The following ADD1 variants were observed in gnomAD, a reference collection of about 807,000 sequenced individuals.
The protein encoded by ADD1 is adducin 1.
In ADD1, 24 loss-of-function variants were observed where a neutral mutation model predicts 80.5. That is an observed-to-expected ratio of 0.30 (90% CI 0.22 to 0.42). ADD1 has a LOEUF of 0.42. Ranked by LOEUF, ADD1 falls within the 10% of genes least tolerant of loss-of-function variation. The probability of loss-of-function intolerance (pLI) is 1.00; values close to 1 mark genes in which losing one functional copy is unlikely to be tolerated. For missense variants in ADD1, 948 were observed against 1,019.0 expected (o/e 0.93, Z 0.95); for synonymous variants, 373 against 393.8 (o/e 0.95, Z 0.63).
intron 1 of ADD1, among the ~76,000 whole-genome samples, chr4:2,874,884 A>C (rs903171591): frequency 6.6e-6 from 1 of 152,168 alleles, no homozygotes; most frequent in African/African-American, 2.4e-5. Flanking sequence ...TCCAGACCTA[A>C]TGAATCTTAA....
At chr4:2,900,058 A>G (rs1038718314) in intron 9 of ADD1, 2 of 154,534 alleles carry the variant, frequency 1.3e-5, no homozygotes, top group Admixed American at 1.3e-4. Flanking sequence ...AGGACTGGAG[A>G]GAAAATTTTA....
chr4:2,922,736 C>T (rs1740267358), intron 14 of ADD1, among the ~76,000 whole-genome samples: 1 of 152,232 alleles, frequency 6.6e-6, no homozygotes, highest in South Asian at 2.1e-4. Context: ...GTTGTGCCCA[C>T]AGCCAACCCT....
chr4:2,856,194 C>T (rs773629510), intron 1 of ADD1, among the ~76,000 whole-genome samples: 5 of 152,148 alleles, frequency 3.3e-5, no homozygotes, highest in African/African-American at 4.8e-5. Context: ...TCCCAACCTT[C>T]ACCTAAGTTC....
chr4:2,881,920 C>T lies in ADD1; in HGVS notation c.218C>T (p.Ser73Leu), dbSNP rs200647918. ...TAGGCTTTCTGTGAAGAATTGGAATCAATGATACAGGAGCAATTTAAGAAG... is the reference window on the plus strand; with the variant it reads ...TAGGCTTTCTGTGAAGAATTGGAATTAATGATACAGGAGCAATTTAAGAAG... ...QSPAFCEELESMIQEQFKKGK... is the reference protein window; with the variant it reads ...QSPAFCEELELMIQEQFKKGK... Residue 73 changes from serine to leucine, a missense_variant, in exon 3 of 16, where the codon TCA (serine) becomes TTA (leucine). By Grantham distance (145) the Ser-to-Leu change is moderately radical. Coordinates refer to ENST00000683351, the MANE Select transcript of ADD1 (RefSeq NM_001354761.2). 1 of 1,598,916 alleles carries T rather than the reference C, an allele frequency of 6.3e-7. No homozygotes were observed. The highest frequency in any genetic ancestry group is 8.5e-7 in the Non-Finnish European group (1 of 1,175,840).
intron 2 of ADD1, among the ~76,000 whole-genome samples, chr4:2,879,167 A>G (rs1227990403): frequency 6.6e-6 from 1 of 152,162 alleles, no homozygotes; most frequent in Non-Finnish European, 1.5e-5. Flanking sequence ...TAGCACACAC[A>G]AGGTCCTTAG....
rs1553855062 is a variant in ADD1, at chr4:2,928,244, C to A, written c.2121C>A (p.Ser707=). Reference sequence around the variant, plus strand: ...TTAAGCCAACTCTCCCCGATCTGTCCCCTGATGAACCTTCAGAAGCACTCG... The same window carrying A: ...TTAAGCCAACTCTCCCCGATCTGTCACCTGATGAACCTTCAGAAGCACTCG... ...ATFKPTLPDL[S]PDEPSEALGF... is the part of the protein sequence containing the mutation. The change falls in exon 16 of 16, where the codon TCC becomes TCA. Residue 707 remains serine, a synonymous_variant. Transcript: ENST00000683351. 11 of 1,614,048 alleles carry A rather than the reference C, an allele frequency of 6.8e-6. No homozygotes were observed. The highest frequency in any genetic ancestry group is 9.3e-6 in the Non-Finnish European group (11 of 1,180,018).
intron 4 of ADD1, among the ~76,000 whole-genome samples, chr4:2,885,980 GCTT>G (rs1336289722): frequency 1.3e-5 from 2 of 152,132 alleles, no homozygotes; most frequent in Non-Finnish European, 2.9e-5. Flanking sequence ...TGTAGAGATA[GCTT>G]CTTCCTTTGA....
intron 13 of ADD1, among the ~76,000 whole-genome samples, chr4:2,911,877 A>G (rs1041610204): frequency 2.0e-5 from 3 of 152,348 alleles, no homozygotes; most frequent in Admixed American, 6.5e-5. Context: ...TTGTGTTCCC[A>G]TGTGCACCTC....
At chr4:2,859,481 G>C (rs1302203384) in intron 1 of ADD1, among the ~76,000 whole-genome samples, 1 of 152,098 alleles carries the variant, frequency 6.6e-6, no homozygotes, top group African/African-American at 2.4e-5. Context: ...GGAAATCATA[G>C]GCCATGGGAA....
intron 1 of ADD1, among the ~76,000 whole-genome samples, chr4:2,865,539 A>G (rs1437443835): frequency 6.6e-6 from 1 of 152,068 alleles, no homozygotes; most frequent in Non-Finnish European, 1.5e-5. Context: ...TTCTTTTATC[A>G]TTTGTCTTTC....
At chr4:2,882,154 A>C in intron 3 of ADD1, 94 bp downstream of exon 3, 1 of 1,176,068 alleles carries the variant, frequency 8.5e-7, no homozygotes, top group Non-Finnish European at 1.2e-6. Context: ...ATTTAACTGT[A>C]TAACATAACA....
chr4:2,927,015 C>T (rs1711829393), intron 15 of ADD1, among the ~76,000 whole-genome samples: 1 of 152,252 alleles, frequency 6.6e-6, no homozygotes, highest in Non-Finnish European at 1.5e-5. Flanking sequence ...TCGGTTCAGA[C>T]AGGGTGGGGT....
At chr4:2,893,960 A>G in intron 4 of ADD1, 53 bp from the exon 5 acceptor site, 1 of 1,502,364 alleles carries the variant, frequency 6.7e-7, no homozygotes, top group Non-Finnish European at 9.3e-7. Flanking sequence ...CCTGAAAGAG[A>G]TGCAAATAAT....
At chr4:2,915,423 G>A (rs980449957) in intron 14 of ADD1, among the ~76,000 whole-genome samples, 3 of 152,180 alleles carry the variant, frequency 2.0e-5, no homozygotes, top group South Asian at 2.1e-4. Context: ...GGCGGATCAC[G>A]AGGTCAGGAG....
At chr4:2,922,297 T>A (rs973866030) in intron 14 of ADD1, among the ~76,000 whole-genome samples, 3 of 152,216 alleles carry the variant, frequency 2.0e-5, no homozygotes, top group Non-Finnish European at 4.4e-5. Context: ...TCCTTGATGT[T>A]GGTGACCTTC....
At chr4:2,884,465 A>G (rs2108946115) in intron 3 of ADD1, 50 bp from the exon 4 acceptor site, 1 of 1,444,808 alleles carries the variant, frequency 6.9e-7, no homozygotes, top group East Asian at 2.4e-5. Context: ...AACTAGGACT[A>G]CAGGCGTATA....
chr4:2,896,122 C>T lies in ADD1; in HGVS notation c.741+1391C>T, dbSNP rs529700118. On this transcript the variant is annotated intron_variant, in intron 6 of 15. Transcript: ENST00000683351. ...CAGAATGGTCTTGATCGCCTGACCT[C>T]GTGATCCGCCCGCTTCGGCCTCCCA... 1.2e-4 allele frequency among the ~76,000 whole-genome samples: 19 copies of T among 152,104 alleles called. 1 individual carries two copies. The East Asian group carries it at 1.7e-3, about 14-fold the overall frequency.
At chr4:2,905,463 A>C in intron 10 of ADD1, 1 of 265,220 alleles carries the variant, frequency 3.8e-6, no homozygotes, top group East Asian at 8.5e-5. Context: ...AAGACACTTC[A>C]GTCCTAAACC....
Position 2,929,728 on chromosome 4 carries a change from C to T in ADD1, c.*1205C>T, listed in dbSNP as rs1044367248. 6.6e-5 allele frequency: 10 copies of T among 152,394 alleles called. No individual in the cohort carries two copies. The highest frequency in any genetic ancestry group is 5.9e-4 in the Admixed American group (9 of 15,292). The allele number at this position is 152,394 out of a possible 1,614,324, so 9.4% of individuals were successfully genotyped here. A position where few individuals can be genotyped will look rare whatever the true frequency, so the allele number is the denominator to read the frequency against. On this transcript the variant is annotated 3_prime_UTR_variant, in exon 16 of 16. Transcript: ENST00000683351. ...GCCACCTCGGATCCCACTGATTGGC[C>T]AGCCGAGCGAGAACCAGGCTGCTGC...
Sources: allele counts gnomAD v4.1 joint callset (sites outside exome capture counted in the v4.1 genomes callset), GRCh38; gene constraint gnomAD v4.1.1; transcripts MANE v1.5; gene names NCBI Gene and HGNC (gene_info 2026-07-23, HGNC 2026-07-21).